Variants in ATF7IP observed in about 807,000 individuals in gnomAD.
The protein encoded by ATF7IP is activating transcription factor 7-interacting protein 1.
A neutral mutation model predicts 106.4 loss-of-function variants in ATF7IP; 23 were observed. The observed-to-expected ratio is 0.22, with a 90% CI of 0.16 to 0.31. ATF7IP has a LOEUF of 0.31. Ranked by LOEUF, ATF7IP falls within the 10% of genes least tolerant of loss-of-function variation. The pLI is 1.00. For missense variants in ATF7IP, 1,334 were observed against 1,524.3 expected, an observed-to-expected ratio of 0.88 and a Z score of 2.08; for synonymous variants, 542 against 539.0, an observed-to-expected ratio of 1.01 and a Z score of -0.08.
intron 13 of ATF7IP, 31 bp from the exon 14 acceptor site, chr12:14,496,200 T>C (rs751834864): frequency 7.4e-7 from 1 of 1,354,032 alleles, no homozygotes; most frequent in South Asian, 1.2e-5. Context: ...GAATTATCAT[T>C]TTATCCTGTA....
At chr12:14,414,139 A>G (rs546953062) in intron 1 of ATF7IP, among the ~76,000 whole-genome samples, 1 of 152,318 alleles carries the variant, frequency 6.6e-6, no homozygotes, top group East Asian at 1.9e-4. Flanking sequence ...TGTTATGCCA[A>G]GCTTTTTAGA....
rs2136888744 is a variant in ATF7IP at position 14,499,345 on chromosome 12, G to C, written c.*1272G>C. 1 of 152,280 alleles carries C rather than the reference G, an allele frequency of 6.6e-6. No individual in the cohort carries two copies. The highest frequency in any genetic ancestry group is 1.9e-4 in the East Asian group (1 of 5,188). The allele number at this position is 152,280 out of a possible 1,614,324, so 9.4% of individuals were successfully genotyped here. ...TCACTATTTAACTTTGTGTAAAGTGGACCAAGAGAAAACCATATTGTGGAA... is the reference window on the plus strand; with the variant it reads ...TCACTATTTAACTTTGTGTAAAGTGCACCAAGAGAAAACCATATTGTGGAA... On this transcript the variant is annotated 3_prime_UTR_variant, in exon 15 of 15. Coordinates refer to ENST00000261168, the MANE Select transcript of ATF7IP (RefSeq NM_018179.5).
intron 1 of ATF7IP, among the ~76,000 whole-genome samples, chr12:14,396,523 T>C (rs1263707738): frequency 2.0e-5 from 3 of 152,146 alleles, no homozygotes; most frequent in Non-Finnish European, 2.9e-5. Context: ...TTCCCTATGA[T>C]TGACAAAATG....
In ATF7IP at chr12:14,382,531, T is replaced by A. The variant is rs138718005; in HGVS notation, c.-8+16704T>A. On this transcript the variant is annotated intron_variant, in intron 1 of 14. Coordinates refer to ENST00000261168, the MANE Select transcript of ATF7IP (RefSeq NM_018179.5). ...CTGAAAAGTGCCCTACAAAAGTTATTTTTTCCATCTTGGATTCTGAACTGC... is the reference window on the plus strand; with the variant it reads ...CTGAAAAGTGCCCTACAAAAGTTATATTTTCCATCTTGGATTCTGAACTGC... Among the ~76,000 whole-genome samples the A allele has an allele frequency of 5.7e-3, 869 of 152,322 alleles. 3 individuals carry two copies. Among genetic ancestry groups the A allele is most frequent in the Middle Eastern group, 0.017 (5 of 294 alleles).
chr12:14,368,685 T>G (rs905131522), intron 1 of ATF7IP, among the ~76,000 whole-genome samples: 1 of 152,180 alleles, frequency 6.6e-6, no homozygotes, highest in Non-Finnish European at 1.5e-5. Context: ...AGTAGCTCAT[T>G]AACTTTTTTT....
intron 10 of ATF7IP, among the ~76,000 whole-genome samples, chr12:14,467,448 G>T (rs1395272250): frequency 6.6e-6 from 1 of 152,126 alleles, no homozygotes; most frequent in African/African-American, 2.4e-5. Flanking sequence ...TCTTAGAAAT[G>T]TTAGCAGTCT....
chr12:14,447,625 T>C (rs1943034631), intron 6 of ATF7IP, among the ~76,000 whole-genome samples: 1 of 152,188 alleles, frequency 6.6e-6, no homozygotes, highest in Non-Finnish European at 1.5e-5. Context: ...TGTCCATCTT[T>C]AAAATTAGGC....
At chr12:14,367,957 G>A (rs1396920092) in intron 1 of ATF7IP, among the ~76,000 whole-genome samples, 1 of 151,960 alleles carries the variant, frequency 6.6e-6, no homozygotes, top group Non-Finnish European at 1.5e-5. Flanking sequence ...GTTACTCCAG[G>A]AATGAATACC....
intron 1 of ATF7IP, among the ~76,000 whole-genome samples, chr12:14,399,237 T>C (rs1940049179): frequency 6.6e-6 from 1 of 152,146 alleles, no homozygotes; most frequent in African/African-American, 2.4e-5. Context: ...CTGTCTTTGC[T>C]CAGAAGTAAT....
chr12:14,383,817 C>T (rs141769299), intron 1 of ATF7IP, among the ~76,000 whole-genome samples: 2,366 of 152,284 alleles, frequency 0.016, 24 homozygotes, highest in Non-Finnish European at 0.019. Context: ...CCGCCTTGGC[C>T]TCCCAGAGTG....
intron 1 of ATF7IP, chr12:14,385,374 G>A: frequency 6.5e-7 from 1 of 1,533,670 alleles, no homozygotes; most frequent in Non-Finnish European, 8.7e-7. Context: ...TCAGTGAGGA[G>A]ACTTGTCACA....
chr12:14,377,917 C>T (rs1380673466), intron 1 of ATF7IP, among the ~76,000 whole-genome samples: 7 of 151,880 alleles, frequency 4.6e-5, no homozygotes, highest in Non-Finnish European at 1.0e-4. Context: ...CATAAGCCAC[C>T]GTGCCTGGTC....
At position 14,494,177 on chromosome 12, in the gene ATF7IP, A is replaced by C. The variant is rs531692977; in HGVS notation, c.3281-2054A>C. Reference sequence around the variant, plus strand: ...TCACATTAAGCAGCCAACTCCAGAAACCCCAAAACCAATGAAAGAACTCCA... The same window carrying C: ...TCACATTAAGCAGCCAACTCCAGAACCCCCAAAACCAATGAAAGAACTCCA... On this transcript the variant is annotated intron_variant, in intron 13 of 14. Coordinates refer to ENST00000261168, the MANE Select transcript of ATF7IP (RefSeq NM_018179.5). Among the ~76,000 whole-genome samples, 28 of 149,510 alleles carry C rather than the reference A, an allele frequency of 1.9e-4. 1 individual carries two copies. In the South Asian group the frequency reaches 5.7e-3, roughly 31 times the overall value.
rs78546969 is a variant in ATF7IP at position 14,480,050 on chromosome 12, C to T, written c.3098-953C>T. Reference sequence around the variant, plus strand: ...TTGTTAATACTTTCTTCTTTCTTCCCGTTTCTGAAGACTCACATCGAAAGT... The same window carrying T: ...TTGTTAATACTTTCTTCTTTCTTCCTGTTTCTGAAGACTCACATCGAAAGT... On this transcript the variant is annotated intron_variant, in intron 12 of 14. Coordinates refer to ENST00000261168, the MANE Select transcript of ATF7IP (RefSeq NM_018179.5). Among the ~76,000 whole-genome samples the T allele has an allele frequency of 4.4e-3, 665 of 152,126 alleles. 4 individuals carry two copies. Among genetic ancestry groups the T allele is most frequent in the African/African-American group, 0.015 (639 of 41,546 alleles).
intron 13 of ATF7IP, among the ~76,000 whole-genome samples, chr12:14,491,266 AG>A (rs1944811578): frequency 6.6e-6 from 1 of 152,180 alleles, no homozygotes; most frequent in African/African-American, 2.4e-5. Flanking sequence ...CACCCACATG[AG>A]GAATGTGTTG....
intron 1 of ATF7IP, among the ~76,000 whole-genome samples, chr12:14,397,302 AAG>A (rs1565480469): frequency 6.6e-6 from 1 of 152,206 alleles, no homozygotes; most frequent in Admixed American, 6.5e-5. Flanking sequence ...AGTTCCTAAA[AAG>A]TGTTTGTGTT....
At chr12:14,460,472 A>G (rs960302640) in intron 8 of ATF7IP, 23 bp from the exon 9 acceptor site, 1 of 1,583,336 alleles carries the variant, frequency 6.3e-7, no homozygotes, top group Non-Finnish European at 8.6e-7. Context: ...ATTTAAACTG[A>G]GGCTTCTGTT....
At chr12:14,445,752 A>G (rs954979432) in intron 5 of ATF7IP, among the ~76,000 whole-genome samples, 2 of 152,252 alleles carry the variant, frequency 1.3e-5, no homozygotes. Flanking sequence ...AAAGTAAATC[A>G]TAACATTTTC....
Position 14,461,044 on chromosome 12 carries a change from A to T in ATF7IP, c.2708A>T (p.Asn903Ile). The T allele has an allele frequency of 1.9e-6, 3 of 1,614,106 alleles. No homozygotes were observed. The highest frequency in any genetic ancestry group is 2.5e-6 in the Non-Finnish European group (3 of 1,179,994). Residue 903 changes from asparagine (N) to isoleucine (I), a missense_variant, in exon 9 of 15, where the codon AAT becomes ATT. Around this residue, in one of 10 missense-constraint regions of ATF7IP, gnomAD observed 370 missense variants for 401.2 expected, o/e 0.92. Transcript: ENST00000261168. ...TCAGGACTCTATAGTCCATCAACTA[A>T]TCGAGGTCCTATACAGATGAAAATT... Reference protein sequence around the residue: ...GPSGLYSPSTNRGPIQMKIPI... With the variant: ...GPSGLYSPSTIRGPIQMKIPI...
Sources: allele counts gnomAD v4.1 joint callset (sites outside exome capture counted in the v4.1 genomes callset), GRCh38; gene constraint gnomAD v4.1.1; regional missense constraint gnomAD v4.1.1; transcripts MANE v1.5; gene names NCBI Gene and HGNC (gene_info 2026-07-23, HGNC 2026-07-21).